PAMR1: variants seen among roughly 807,000 people sequenced by gnomAD.
The protein encoded by PAMR1 is peptidase domain containing associated with muscle regeneration 1.
PAMR1 carries 88 observed loss-of-function variants against 81.8 expected under a neutral mutation model. That is an observed-to-expected ratio of 1.08 (90% confidence interval 0.91 to 1.28). PAMR1 has a LOEUF of 1.28. Among genes scored for constraint, PAMR1 ranks in the 50% most tolerant of loss-of-function variants. The probability of loss-of-function intolerance (pLI) is 0.00; values close to 1 mark genes in which losing one functional copy is unlikely to be tolerated. For missense variants in PAMR1, 935 were observed against 919.7 expected (o/e 1.02, Z -0.21); for synonymous variants, 336 against 345.3 (o/e 0.97, Z 0.30).
chr11:35,526,322 C>T (rs17795210), upstream of PAMR1, among the ~76,000 whole-genome samples: 33,028 of 152,120 alleles, frequency 0.22, 3,879 homozygotes, highest in Non-Finnish European at 0.26. Context: ...GTGATCCCCA[C>T]GATGGTGAAT....
chr11:35,479,407 T>C (rs1850341632), intron 3 of PAMR1, among the ~76,000 whole-genome samples: 1 of 152,242 alleles, frequency 6.6e-6, no homozygotes, highest in African/African-American at 2.4e-5. Context: ...TTTTCTCACT[T>C]GTCTTAGGGA....
intron 6 of PAMR1, among the ~76,000 whole-genome samples, chr11:35,464,268 A>C (rs1218199833): frequency 6.6e-6 from 1 of 152,258 alleles, no homozygotes; most frequent in African/African-American, 2.4e-5. Flanking sequence ...TAACACATTC[A>C]GCCTTTCAAT....
At position 35,432,503 on chromosome 11, in the gene PAMR1, G is replaced by C; in HGVS notation, c.2016C>G (p.Ser672=). The part of the protein sequence containing the change: ...TAETGGIAAV[S]FPGRASPEPR... The stretch of plus-strand genomic sequence containing the variant: ...GCTCAGGAGATGCTCGTCCCGGGAA[G>C]GACACAGCCGCGATGCCTCCTGTCT... The change falls in exon 11 of 11, where the codon TCC becomes TCG. Residue 672 remains serine, a synonymous_variant. Transcript: ENST00000619888. 1 of 1,614,226 alleles carries C rather than the reference G, an allele frequency of 6.2e-7. No homozygotes were observed. Among genetic ancestry groups the C allele is most frequent in the Non-Finnish European group, 8.5e-7 (1 of 1,180,046 alleles).
Position 35,432,365 on chromosome 11 carries a change from A to G in PAMR1, c.2154T>C (p.Asn718=), listed in dbSNP as rs1181828774. ...VLPFKDWIER[N]MK ...AGTGCATGAGCATGGTTCATTTCAT[A>G]TTTCTTTCAATCCAGTCTTTAAAAG... Residue 718 remains asparagine, a synonymous_variant, in exon 11 of 11, where the codon AAT becomes AAC. Transcript: ENST00000619888. The G allele has an allele frequency of 6.2e-7, 1 of 1,610,702 alleles. No homozygotes were observed. Among genetic ancestry groups the G allele is most frequent in the Non-Finnish European group, 8.5e-7 (1 of 1,179,614 alleles).
intron 1 of PAMR1, among the ~76,000 whole-genome samples, chr11:35,507,518 A>G (rs2135415005): frequency 6.6e-6 from 1 of 152,264 alleles, no homozygotes; most frequent in Middle Eastern, 3.4e-3. Context: ...AAATTTCTGA[A>G]TTAATAGTCT....
At position 35,436,143 on chromosome 11, in the gene PAMR1, A is replaced by G. The variant is rs370153315; in HGVS notation, c.1101-8T>C. ...TGGTGTAATGGTGTCTCCCTGGGTC[A>G]GGAAACATGGGCCCAGAGAAAGAGC... On this transcript the variant is annotated splice_region_variant and splice_polypyrimidine_tract_variant and intron_variant, in intron 8 of 10. Coordinates refer to ENST00000619888, the MANE Select transcript of PAMR1 (RefSeq NM_001001991.3). 248 of 1,589,984 alleles carry G rather than the reference A, an allele frequency of 1.6e-4. 1 individual carries two copies. The highest frequency in any genetic ancestry group is 2.1e-4 in the Non-Finnish European group (242 of 1,158,592).
chr11:35,436,029 A>C lies in PAMR1; in HGVS notation c.1207T>G (p.Tyr403Asp). 1 of 1,614,058 alleles carries C rather than the reference A, an allele frequency of 6.2e-7. No individual in the cohort carries two copies. Among genetic ancestry groups the C allele is most frequent in the Non-Finnish European group, 8.5e-7 (1 of 1,179,992 alleles). Residue 403 changes from tyrosine (Y) to aspartate (D), a missense_variant, in exon 9 of 11, where the codon TAC (tyrosine) becomes GAC (aspartate). Tyr to Asp is a radical substitution (Grantham distance 160, BLOSUM62 -3). Coordinates refer to ENST00000619888, the MANE Select transcript of PAMR1 (RefSeq NM_001001991.3). Reference sequence around the variant, plus strand: ...TGGAGCTGGGTATGCAGATGTTGGTATCCCATGGGCAGATCTCCAAAGGGA... The same window carrying C: ...TGGAGCTGGGTATGCAGATGTTGGTCTCCCATGGGCAGATCTCCAAAGGGA... ...ALPFGDLPMGYQHLHTQLQYE... is the reference protein window; with the variant it reads ...ALPFGDLPMGDQHLHTQLQYE...
chr11:35,470,956 C>A (rs1466328514), intron 4 of PAMR1, 138 bp from the exon 5 acceptor site: 4 of 649,322 alleles, frequency 6.2e-6, no homozygotes, highest in Non-Finnish European at 1.1e-5. Context: ...GGAAAATGGT[C>A]CTCAGAGGTT....
At chr11:35,459,105 A>G (rs1406487463) in intron 6 of PAMR1, among the ~76,000 whole-genome samples, 1 of 151,992 alleles carries the variant, frequency 6.6e-6, no homozygotes, top group African/African-American at 2.4e-5. Context: ...GATTGCACAC[A>G]CTGTTATTTT....
intron 6 of PAMR1, among the ~76,000 whole-genome samples, chr11:35,449,486 C>T: frequency 6.6e-6 from 1 of 152,220 alleles, no homozygotes; most frequent in East Asian, 1.9e-4. Flanking sequence ...CCTAAAGAAG[C>T]AGTCTGGCCA....
At chr11:35,467,371 C>A (rs1214149251) in intron 6 of PAMR1, among the ~76,000 whole-genome samples, 2 of 152,188 alleles carry the variant, frequency 1.3e-5, no homozygotes, top group Non-Finnish European at 2.9e-5. Context: ...CTCCTTTGCT[C>A]TCCCCCAAAT....
chr11:35,526,633 G>C (rs28413843), upstream of PAMR1, among the ~76,000 whole-genome samples: 3 of 152,218 alleles, frequency 2.0e-5, no homozygotes, highest in Non-Finnish European at 2.9e-5. Context: ...AGGCCACACA[G>C]TTAGTGAGGG....
chr11:35,526,647 G>GT (rs1304094993), upstream of PAMR1, among the ~76,000 whole-genome samples: 2 of 152,212 alleles, frequency 1.3e-5, no homozygotes, highest in Non-Finnish European at 2.9e-5. Context: ...GTGAGGGGCA[G>GT]AGCCAGGGTT....
intron 3 of PAMR1, among the ~76,000 whole-genome samples, chr11:35,479,937 G>C (rs147836045): frequency 1.3e-5 from 2 of 152,282 alleles, no homozygotes; most frequent in East Asian, 3.9e-4. Context: ...TAAGTACTAC[G>C]TGTTGGCTTT....
intron 6 of PAMR1, among the ~76,000 whole-genome samples, chr11:35,466,129 C>T (rs1856751981): frequency 6.6e-6 from 1 of 151,934 alleles, no homozygotes; most frequent in Admixed American, 6.6e-5. Context: ...ATTAAGCCTT[C>T]CCTCTTTTTG....
At chr11:35,490,195 C>T (rs589406) in intron 3 of PAMR1, among the ~76,000 whole-genome samples, 31,661 of 152,084 alleles carry the variant, frequency 0.21, 4,957 homozygotes, top group African/African-American at 0.43. Flanking sequence ...GAGGAAACTA[C>T]CCCTATGATT....
intron 1 of PAMR1, among the ~76,000 whole-genome samples, chr11:35,521,560 C>A (rs1034441318): frequency 2.0e-5 from 3 of 152,160 alleles, no homozygotes; most frequent in Non-Finnish European, 4.4e-5. Flanking sequence ...ATTCTGCAGG[C>A]CTTTTGGCTC....
chr11:35,434,411 T>C, intron 10 of PAMR1, 101 bp downstream of exon 10: 3 of 1,175,402 alleles, frequency 2.6e-6, no homozygotes, highest in Non-Finnish European at 2.4e-6. Context: ...GGCTGGCTGC[T>C]GACATGCTAA....
chr11:35,482,374 T>A (rs1850412622), intron 3 of PAMR1, among the ~76,000 whole-genome samples: 1 of 152,208 alleles, frequency 6.6e-6, no homozygotes, highest in Non-Finnish European at 1.5e-5. Flanking sequence ...CTGAGGTCTC[T>A]GTTCTGTTCC....
Sources: allele counts gnomAD v4.1 joint callset (sites outside exome capture counted in the v4.1 genomes callset), GRCh38; gene constraint gnomAD v4.1.1; transcripts MANE v1.5; gene names NCBI Gene and HGNC (gene_info 2026-07-23, HGNC 2026-07-21).